Variants in CHD5 observed in about 807,000 individuals in gnomAD.
CHD5 encodes the protein chromodomain helicase DNA binding protein 5.
A neutral mutation model predicts 230.3 loss-of-function variants in CHD5; 69 were observed. That is an observed-to-expected ratio of 0.30 (90% CI 0.25 to 0.37). CHD5 has a LOEUF of 0.37. Ranked by LOEUF, CHD5 falls within the 10% of genes least tolerant of loss-of-function variation. The pLI, the probability that CHD5 is intolerant of heterozygous loss-of-function variation, is 1.00. For synonymous variants in CHD5, 1,064 were observed against 1,065.9 expected (o/e 1.00, Z 0.03); for missense variants, 1,827 against 2,622.8 (o/e 0.70, Z 6.63).
chr1:6,110,008 C>A lies in CHD5; in HGVS notation c.5383-18G>T. ...TCCAGCAGCTGGGGGCGGGGCGCAG[C>A]GTCGGCCCGGCCCCTCCCGCTGAAT... On this transcript the variant is annotated intron_variant, in intron 37 of 41. Transcript: ENST00000262450. 6.6e-7 allele frequency: 1 copy of A among 1,511,472 alleles called. No homozygotes were observed. Among genetic ancestry groups the A allele is most frequent in the Non-Finnish European group, 8.8e-7 (1 of 1,133,712 alleles). 93.6% of individuals were successfully genotyped at this position (1,511,472 alleles called of 1,614,324 possible).
intron 33 of CHD5, among the ~76,000 whole-genome samples, chr1:6,117,850 G>A (rs1666402182): frequency 6.6e-6 from 1 of 152,134 alleles, no homozygotes; most frequent in Non-Finnish European, 1.5e-5. Flanking sequence ...AATGTGAACT[G>A]ATGCAATACA....
intron 3 of CHD5, among the ~76,000 whole-genome samples, 190 bp downstream of exon 3, chr1:6,159,146 A>T (rs940936582): frequency 2.0e-5 from 3 of 151,682 alleles, no homozygotes; most frequent in African/African-American, 7.3e-5. Context: ...GAGGCAGGAG[A>T]ATTGCTTGAA....
chr1:6,122,259 G>A (rs1345196798), intron 31 of CHD5, among the ~76,000 whole-genome samples: 2 of 152,232 alleles, frequency 1.3e-5, no homozygotes, highest in Non-Finnish European at 2.9e-5. Flanking sequence ...TACTTAACAG[G>A]TATTTGCTTC....
rs1162495604 is a variant in CHD5 at position 6,105,396 on chromosome 1, T to C, written c.*78A>G. ...AAAAGGTGGCAGCTTTTCTCTCCCA[T>C]GTGGGTCGGGCAGGTGGCCCGGCAG... On this transcript the variant is annotated 3_prime_UTR_variant, in exon 42 of 42. Transcript: ENST00000262450. This position sits in a 1 kb window ranked among gnomAD's most constrained non-coding sequence, Gnocchi z 4.8. The C allele has an allele frequency of 4.3e-6, 2 of 470,478 alleles. No individual in the cohort carries two copies. The highest frequency in any genetic ancestry group is 8.8e-6 in the Non-Finnish European group (2 of 226,888). 29.1% of individuals were successfully genotyped at this position (470,478 alleles called of 1,614,324 possible). A position where few individuals can be genotyped will look rare whatever the true frequency, so the allele number is the denominator to read the frequency against.
rs146485017 is a variant in CHD5, at chr1:6,178,605, G to C, written c.79+1340C>G. On this transcript the variant is annotated intron_variant, in intron 1 of 41. Transcript: ENST00000262450. The stretch of plus-strand genomic sequence containing the variant: ...ACCCAGGATATGACAGTCAACTATT[G>C]TCCAGGCAACTCCACCCCAAGAGAG... Among the ~76,000 whole-genome samples the C allele has an allele frequency of 3.3e-5, 5 of 152,100 alleles. No homozygotes were observed. The East Asian group carries it at 5.8e-4, about 18-fold the overall frequency.
rs1460338384 is a variant in CHD5, at chr1:6,124,666, G to GGA, written c.4395-6_4395-5insTC. 7.0e-7 allele frequency: 1 copy of GGA among 1,426,022 alleles called. No homozygotes were observed. 88.3% of individuals were successfully genotyped at this position (1,426,022 alleles called of 1,614,324 possible). ...ATGAAGAGGGACACATAGGCTCTGG[G>GGA]GTGGGGGGGGGGGACTGGGGCTCAG... On this transcript the variant is annotated splice_region_variant and splice_polypyrimidine_tract_variant and intron_variant, in intron 29 of 41. Coordinates refer to ENST00000262450, the MANE Select transcript of CHD5 (RefSeq NM_015557.3).
Position 6,121,098 on chromosome 1 carries a change from C to A in CHD5, c.4912+7G>T. 1 of 1,586,188 alleles carries A rather than the reference C, an allele frequency of 6.3e-7. No individual in the cohort carries two copies. Among genetic ancestry groups the A allele is most frequent in the Admixed American group, 1.8e-5 (1 of 55,538 alleles). ...ACTGGGGTGGGTGGCCTGCAAGAAG[C>A]CCCAACCTCTCGGCAGCTGCTCCGG... On this transcript the variant is annotated splice_region_variant and intron_variant, in intron 33 of 41. Coordinates refer to ENST00000262450, the MANE Select transcript of CHD5 (RefSeq NM_015557.3). This position sits in a 1 kb window ranked among gnomAD's most constrained non-coding sequence, Gnocchi z 4.5.
rs868860909 is a variant in CHD5, at chr1:6,143,832, G to A, written c.2034C>T (p.Pro678=). 7 of 1,521,440 alleles carry A rather than the reference G, an allele frequency of 4.6e-6. No homozygotes were observed. The Admixed American group carries it at 1.2e-4, about 26-fold the overall frequency. 94.2% of individuals were successfully genotyped at this position (1,521,440 alleles called of 1,614,324 possible). The change falls in exon 13 of 42, where the codon CCC becomes CCT. Residue 678 remains proline (P), a synonymous_variant. Coordinates refer to ENST00000262450, the MANE Select transcript of CHD5 (RefSeq NM_015557.3). ...DDKQEKPPDT[P]IVDPTVKFDK... ...CACCCTCCCCACTCACGTCCACAATGGGCGTGTCCGGCGGCTTCTCCTGCT... is the reference window on the plus strand; with the variant it reads ...CACCCTCCCCACTCACGTCCACAATAGGCGTGTCCGGCGGCTTCTCCTGCT...
In CHD5 at chr1:6,180,019, C is replaced by A; in HGVS notation, c.5G>T (p.Arg2Leu). 1 of 1,351,864 alleles carries A rather than the reference C, an allele frequency of 7.4e-7. No individual in the cohort carries two copies. Among genetic ancestry groups the A allele is most frequent in the East Asian group, 3.7e-5 (1 of 26,982 alleles). 83.7% of individuals were successfully genotyped at this position (1,351,864 alleles called of 1,614,324 possible). A position where few individuals can be genotyped will look rare whatever the true frequency, so the allele number is the denominator to read the frequency against. Residue 2 changes from arginine (R) to leucine (L), a missense_variant, in exon 1 of 42, where the codon CGG (arginine) becomes CTG (leucine). Coordinates refer to ENST00000262450, the MANE Select transcript of CHD5 (RefSeq NM_015557.3). ...CTCCTCCTCGGTGCCCACTGGGCCC[C>A]GCATGCCCGGCGCGGGGAGGAGGGG... M[R>L]GPVGTEEELP...
intron 1 of CHD5, among the ~76,000 whole-genome samples, chr1:6,175,077 G>A (rs1015978012): frequency 1.3e-5 from 2 of 151,746 alleles, no homozygotes; most frequent in Non-Finnish European, 2.9e-5. Context: ...TGGATGAGTG[G>A]ATGGTGGATG....
rs1557554105 is a variant in CHD5 at position 6,149,352 on chromosome 1, C to T, written c.1055G>A (p.Gly352Asp). The change falls in exon 8 of 42, where the codon GGT becomes GAT. Residue 352 changes from glycine (G) to aspartate (D), a missense_variant. By Grantham distance (94) the Gly-to-Asp change is moderately conservative. This residue lies in a region of CHD5 where 657 missense variants were observed against 816.4 expected (regional missense o/e 0.80). Transcript: ENST00000262450. ...HQDYCEVCQQ[G>D]GEIILCDTCP... ...GGTGTCGCACAGGATGATCTCCCCACCCTGCTGGCACACCTCACAGTAATC... is the reference window on the plus strand; with the variant it reads ...GGTGTCGCACAGGATGATCTCCCCATCCTGCTGGCACACCTCACAGTAATC... 1.2e-6 allele frequency: 2 copies of T among 1,613,532 alleles called. No homozygotes were observed. The highest frequency in any genetic ancestry group is 1.7e-6 in the Non-Finnish European group (2 of 1,179,828).
chr1:6,150,929 C>A, intron 7 of CHD5, 103 bp downstream of exon 7: 1 of 1,334,866 alleles, frequency 7.5e-7, no homozygotes, highest in Non-Finnish European at 9.8e-7. Context: ...CCATGCCCCG[C>A]ACATCCACCC....
chr1:6,124,541 C>T lies in CHD5; in HGVS notation c.4515G>A (p.Gly1505=), dbSNP rs756780800. 6.2e-7 allele frequency: 1 copy of T among 1,614,078 alleles called. No homozygotes were observed. The highest frequency in any genetic ancestry group is 8.5e-7 in the Non-Finnish European group (1 of 1,179,996). ...LSRQHVLTRI[G]VMSLVRKKVQ... is the part of the protein sequence containing the mutation. The stretch of plus-strand genomic sequence containing the variant: ...CCTTCTTCCTAACTAGTGACATGAC[C>T]CCGATGCGGGTCAGCACGTGCTGCC... Residue 1505 remains glycine (G), a synonymous_variant, in exon 30 of 42, where the codon GGG becomes GGA. Coordinates refer to ENST00000262450, the MANE Select transcript of CHD5 (RefSeq NM_015557.3).
At position 6,121,362 on chromosome 1, in the gene CHD5, C is replaced by T. The variant is rs1233473403; in HGVS notation, c.4780-125G>A. The T allele has an allele frequency of 3.1e-5, 47 of 1,507,788 alleles. No homozygotes were observed. Among genetic ancestry groups the T allele is most frequent in the Non-Finnish European group, 3.9e-5 (43 of 1,101,302 alleles). The allele number at this position is 1,507,788 out of a possible 1,614,324, so 93.4% of individuals were successfully genotyped here. A position where few individuals can be genotyped will look rare whatever the true frequency, so the allele number is the denominator to read the frequency against. On this transcript the variant is annotated intron_variant, in intron 32 of 41. Coordinates refer to ENST00000262450, the MANE Select transcript of CHD5 (RefSeq NM_015557.3). The surrounding 1 kb of genome is among the most constrained non-coding windows in gnomAD (Gnocchi z 4.5). ...CGTCGCTTGCTCCTAGCCTGCTCCCCGCCGATTCAGAGCCCCGAAAAGGGA... is the reference window on the plus strand; with the variant it reads ...CGTCGCTTGCTCCTAGCCTGCTCCCTGCCGATTCAGAGCCCCGAAAAGGGA...
intron 33 of CHD5, among the ~76,000 whole-genome samples, chr1:6,120,572 G>A (rs1415937078): frequency 1.3e-5 from 2 of 151,742 alleles, no homozygotes; most frequent in Non-Finnish European, 2.9e-5. Context: ...GGGAGGCCGA[G>A]GCAGGCGGAT....
chr1:6,177,076 G>A (rs1667439127), intron 1 of CHD5, among the ~76,000 whole-genome samples: 1 of 152,232 alleles, frequency 6.6e-6, no homozygotes, highest in Non-Finnish European at 1.5e-5. Context: ...ACTCCCAGGG[G>A]GAGGTGGGAG....
chr1:6,179,978 C>T lies in CHD5; in HGVS notation c.46G>A (p.Ala16Thr), dbSNP rs1667489197. ...GTEEELPRLF[A>T]EEMENEDEMS... ...TCGTCCTCATTCTCCATCTCCTCGG[C>T]GAACAGCCGCGGCAGCTCCTCCTCG... Residue 16 changes from alanine (A) to threonine (T), a missense_variant, in exon 1 of 42, where the codon GCC (alanine) becomes ACC (threonine). This residue lies in a region of CHD5 where 113 missense variants were observed against 91.9 expected (regional missense o/e 1.23). Coordinates refer to ENST00000262450, the MANE Select transcript of CHD5 (RefSeq NM_015557.3). 2 of 1,382,860 alleles carry T rather than the reference C, an allele frequency of 1.4e-6. No homozygotes were observed. The highest frequency in any genetic ancestry group is 1.9e-4 in the Middle Eastern group (1 of 5,278). 85.7% of individuals were successfully genotyped at this position (1,382,860 alleles called of 1,614,324 possible).
chr1:6,148,795 G>A lies in CHD5; in HGVS notation c.1383+59C>T, dbSNP rs564615141. The A allele has an allele frequency of 7.2e-4, 1,000 of 1,392,306 alleles. 7 individuals are homozygous for A. The African/African-American group carries it at 0.013, about 17-fold the overall frequency. The allele number at this position is 1,392,306 out of a possible 1,614,324, so 86.2% of individuals were successfully genotyped here. ...GAGGAGGGCAGGCCTTCCCCTGGGG[G>A]CGGGGCCTGTTCCTGGGGTGGGGCG... On this transcript the variant is annotated intron_variant, in intron 9 of 41. Transcript: ENST00000262450.
chr1:6,170,442 T>C (rs1204879920), intron 1 of CHD5, among the ~76,000 whole-genome samples: 4 of 152,174 alleles, frequency 2.6e-5, no homozygotes, highest in African/African-American at 9.6e-5. Flanking sequence ...ACCGGGGCTC[T>C]GGTGGCTGAG....
Sources: allele counts gnomAD v4.1 joint callset (sites outside exome capture counted in the v4.1 genomes callset), GRCh38; gene constraint gnomAD v4.1.1; regional missense constraint gnomAD v4.1.1; non-coding constraint Gnocchi (gnomAD v3.1); transcripts MANE v1.5; gene names NCBI Gene and HGNC (gene_info 2026-07-23, HGNC 2026-07-21).